ADARB2: variants seen among roughly 807,000 people sequenced by gnomAD.
ADARB2 encodes inactive double-stranded RNA-specific editase B2.
A neutral mutation model predicts 62.2 loss-of-function variants in ADARB2; 25 were observed. The ratio of observed to expected loss-of-function variants is 0.40; its 90% CI spans 0.29 to 0.56. The LOEUF (loss-of-function observed/expected upper bound fraction) is 0.56, where lower values mean the gene tolerates loss of function less well. ADARB2 is among the 20% of genes least tolerant of loss of function. The pLI, the probability that ADARB2 is intolerant of heterozygous loss-of-function variation, is 0.43. For synonymous variants in ADARB2, 572 were observed against 500.8 expected, an observed-to-expected ratio of 1.14 and a Z score of -1.90; for missense variants, 1,071 against 1,077.4, an observed-to-expected ratio of 0.99 and a Z score of 0.08.
chr10:1,197,535 C>T (rs1479018355), intron 8 of ADARB2, among the ~76,000 whole-genome samples: 1 of 152,234 alleles, frequency 6.6e-6, no homozygotes, highest in Non-Finnish European at 1.5e-5. Flanking sequence ...TGGAGGAAGA[C>T]AGCCCGTGCT....
chr10:1,193,127 T>G (rs565381226), intron 8 of ADARB2, among the ~76,000 whole-genome samples: 1 of 152,366 alleles, frequency 6.6e-6, no homozygotes, highest in East Asian at 1.9e-4. Context: ...CGTCTGTGAA[T>G]GTCCCGGGTG....
Position 1,426,913 on chromosome 10 carries a change from C to T in ADARB2, c.101-47753G>A, listed in dbSNP as rs995123302. 7.9e-5 allele frequency among the ~76,000 whole-genome samples: 12 copies of T among 152,226 alleles called. No individual in the cohort carries two copies. Among genetic ancestry groups the T allele is most frequent in the Admixed American group, 3.9e-4 (6 of 15,284 alleles). On this transcript the variant is annotated intron_variant, in intron 1 of 9. Coordinates refer to ENST00000381312, the MANE Select transcript of ADARB2 (RefSeq NM_018702.4). The surrounding 1 kb of genome is among the most constrained non-coding windows in gnomAD (Gnocchi z 4.1). ...GAACCTAAAGCAGTTGTGAAAGAGCCGGAGGACCCCTGTCCCCAAACCCTG... is the reference window on the plus strand; with the variant it reads ...GAACCTAAAGCAGTTGTGAAAGAGCTGGAGGACCCCTGTCCCCAAACCCTG...
chr10:1,228,937 G>A (rs376156247), intron 6 of ADARB2, among the ~76,000 whole-genome samples: 4 of 152,272 alleles, frequency 2.6e-5, no homozygotes, highest in East Asian at 1.9e-4. Context: ...CTCAAAACCC[G>A]ACCTGTGCTC....
chr10:1,417,248 G>T (rs1186508480), intron 1 of ADARB2, among the ~76,000 whole-genome samples: 3 of 152,000 alleles, frequency 2.0e-5, no homozygotes, highest in African/African-American at 2.4e-5. Flanking sequence ...AGACAGTCAA[G>T]AAGTATAGAC....
chr10:1,370,107 A>C (rs1411140398), intron 2 of ADARB2, among the ~76,000 whole-genome samples: 1 of 152,244 alleles, frequency 6.6e-6, no homozygotes, highest in Non-Finnish European at 1.5e-5. Context: ...ATTCATCATG[A>C]TCAAGGGGGT....
At chr10:1,346,763 G>A (rs868784987) in intron 3 of ADARB2, among the ~76,000 whole-genome samples, 1 of 152,236 alleles carries the variant, frequency 6.6e-6, no homozygotes, top group Admixed American at 6.5e-5. Context: ...GTCAGGCGAG[G>A]GCACGTGGGT....
chr10:1,339,654 T>G (rs1589197060), intron 3 of ADARB2, among the ~76,000 whole-genome samples: 1 of 152,176 alleles, frequency 6.6e-6, no homozygotes, highest in East Asian at 1.9e-4. Flanking sequence ...AGAAAAGAGC[T>G]TTTCTGGCCA....
intron 9 of ADARB2, among the ~76,000 whole-genome samples, chr10:1,184,531 C>T (rs1267139142): frequency 6.6e-6 from 1 of 152,136 alleles, no homozygotes; most frequent in Admixed American, 6.5e-5. Flanking sequence ...GGAATAGTAT[C>T]GACTTCAAAA....
At chr10:1,709,869 T>A (rs1834930232) in intron 1 of ADARB2, among the ~76,000 whole-genome samples, 1 of 152,238 alleles carries the variant, frequency 6.6e-6, no homozygotes, top group Admixed American at 6.5e-5. Context: ...TTTTCCTCAC[T>A]GAACTTTAAG....
chr10:1,229,214 A>G (rs551972715), intron 6 of ADARB2, among the ~76,000 whole-genome samples: 2 of 152,318 alleles, frequency 1.3e-5, no homozygotes, highest in East Asian at 3.9e-4. Flanking sequence ...GGAAAAATAA[A>G]ATAGGGCCAT....
intron 4 of ADARB2, among the ~76,000 whole-genome samples, chr10:1,244,907 G>A (rs908389108): frequency 5.3e-5 from 8 of 152,220 alleles, no homozygotes; most frequent in African/African-American, 1.4e-4. Context: ...GTTGGAGCCC[G>A]TAGGAGATGT....
intron 6 of ADARB2, among the ~76,000 whole-genome samples, chr10:1,229,792 TTATG>T (rs533594156): frequency 2.1e-4 from 9 of 43,328 alleles, no homozygotes; most frequent in Non-Finnish European, 3.3e-4. Context: ...GTACATGTGT[TTATG>T]TGTGTGCGTG....
At chr10:1,353,750 C>T (rs1832167943) in intron 3 of ADARB2, among the ~76,000 whole-genome samples, 1 of 152,174 alleles carries the variant, frequency 6.6e-6, no homozygotes, top group East Asian at 1.9e-4. Flanking sequence ...CCCAACTACA[C>T]ACATCACAGA....
intron 6 of ADARB2, among the ~76,000 whole-genome samples, chr10:1,220,722 C>T (rs879561017): frequency 3.3e-5 from 5 of 152,072 alleles, no homozygotes; most frequent in African/African-American, 4.8e-5. Flanking sequence ...TGGTCTTTTT[C>T]GAGATCTTGA....
chr10:1,661,933 C>T (rs1233697457), intron 1 of ADARB2, among the ~76,000 whole-genome samples: 2 of 152,134 alleles, frequency 1.3e-5, no homozygotes, highest in Non-Finnish European at 2.9e-5. Flanking sequence ...ATAAATCAGG[C>T]TGAAGAAAGG....
At chr10:1,183,405 C>T in intron 9 of ADARB2, 36 bp from the exon 10 acceptor site, 1 of 1,595,902 alleles carries the variant, frequency 6.3e-7, no homozygotes, top group Non-Finnish European at 8.6e-7. Flanking sequence ...AATCAGACAC[C>T]AGCAGAAAAG....
At chr10:1,358,995 G>A (rs537411938) in intron 3 of ADARB2, among the ~76,000 whole-genome samples, 60 of 152,228 alleles carry the variant, frequency 3.9e-4, no homozygotes, top group Non-Finnish European at 5.0e-4. Flanking sequence ...TTATGGTTGC[G>A]TTTTTGCTTA....
In ADARB2 at chr10:1,483,940, A is replaced by G. The variant is rs557615067; in HGVS notation, c.101-104780T>C. 7.2e-5 allele frequency among the ~76,000 whole-genome samples: 11 copies of G among 152,338 alleles called. No homozygotes were observed. In the South Asian group the frequency reaches 2.3e-3, roughly 32 times the overall value. The stretch of plus-strand genomic sequence containing the variant: ...CGCCAGGGGATTTTTCTTCCCCTGA[A>G]TGAAAGTGTCAGCATCTCATTTATT... On this transcript the variant is annotated intron_variant, in intron 1 of 9. Transcript: ENST00000381312.
rs114514720 is a variant in ADARB2 at position 1,466,097 on chromosome 10, C to T, written c.101-86937G>A. On this transcript the variant is annotated intron_variant, in intron 1 of 9. Coordinates refer to ENST00000381312, the MANE Select transcript of ADARB2 (RefSeq NM_018702.4). Reference sequence around the variant, plus strand: ...TAAACACGACCCAGGCAAGACCTCCCGTCCATCGGGTTAAACCCGTAGTCC... The same window carrying T: ...TAAACACGACCCAGGCAAGACCTCCTGTCCATCGGGTTAAACCCGTAGTCC... Among the ~76,000 whole-genome samples, 670 of 152,368 alleles carry T rather than the reference C, an allele frequency of 4.4e-3. 8 individuals are homozygous for T. Among genetic ancestry groups the T allele is most frequent in the African/African-American group, 0.015 (630 of 41,588 alleles).
Sources: gnomAD v4.1 joint callset for allele counts (sites outside exome capture counted in the v4.1 genomes callset) on GRCh38, gnomAD v4.1.1 for gene constraint, Gnocchi (gnomAD v3.1) non-coding constraint, MANE v1.5 for transcripts, NCBI Gene and HGNC (gene_info 2026-07-23, HGNC 2026-07-21) for gene names.